USP49: variants seen among roughly 807,000 people sequenced by gnomAD.
The protein encoded by USP49 is ubiquitin carboxyl-terminal hydrolase 49.
USP49 carries 24 observed loss-of-function variants against 58.6 expected under a neutral mutation model. The observed-to-expected ratio is 0.41, with a 90% confidence interval of 0.30 to 0.58. The LOEUF (loss-of-function observed/expected upper bound fraction) is 0.58, where lower values mean the gene tolerates loss of function less well. USP49 is among the 20% of genes least tolerant of loss of function. USP49 has a pLI of 0.30. For synonymous variants in USP49, 408 were observed against 365.1 expected (o/e 1.12, Z -1.34); for missense variants, 703 against 866.1 (o/e 0.81, Z 2.36).
intron 6 of USP49, among the ~76,000 whole-genome samples, chr6:41,799,315 G>A (rs898691524): frequency 5.9e-5 from 9 of 151,928 alleles, no homozygotes; most frequent in Admixed American, 5.9e-4. Flanking sequence ...CCATGTTGCC[G>A]AGGCTGGTCT....
intron 2 of USP49, among the ~76,000 whole-genome samples, chr6:41,872,683 G>A (rs1774432603): frequency 6.6e-6 from 1 of 151,500 alleles, no homozygotes; most frequent in African/African-American, 2.4e-5. Context: ...CGGATCATGA[G>A]GTCAGGAGAT....
chr6:41,845,688 A>T (rs541641739), intron 3 of USP49, among the ~76,000 whole-genome samples: 1 of 152,258 alleles, frequency 6.6e-6, no homozygotes, highest in South Asian at 2.1e-4. Flanking sequence ...ACACAGTGAG[A>T]CCCTGTCTCT....
At chr6:41,827,524 G>T (rs1252338604) in intron 3 of USP49, among the ~76,000 whole-genome samples, 1 of 151,982 alleles carries the variant, frequency 6.6e-6, no homozygotes, top group Non-Finnish European at 1.5e-5. Context: ...GCCAGCAGTG[G>T]TGGTGGGCGC....
rs538220746 is a variant in USP49 at position 41,839,404 on chromosome 6, C to CAAAAAAAAAAAAAAA, written c.-29+32145_-29+32159dup. 9.0e-5 allele frequency among the ~76,000 whole-genome samples: 2 copies of CAAAAAAAAAAAAAAA among 22,234 alleles called. 1 individual carries two copies. The highest frequency in any genetic ancestry group is 2.9e-4 in the African/African-American group (2 of 6,990). 14.6% of individuals were successfully genotyped at this position (22,234 alleles called of 152,430 possible). A position where few individuals can be genotyped will look rare whatever the true frequency, so the allele number is the denominator to read the frequency against. ...TGGACAATAGAGCCAGGCCTTGTCT[C>CAAAAAAAAAAAAAAA]AAAAAAAAAAAAAAAAAAAAAAAAA... On this transcript the variant is annotated intron_variant, in intron 3 of 7. Transcript: ENST00000682992.
chr6:41,844,177 T>G (rs1773879112), intron 3 of USP49, among the ~76,000 whole-genome samples: 1 of 151,168 alleles, frequency 6.6e-6, no homozygotes, highest in African/African-American at 2.4e-5. Context: ...GCCGAGATTG[T>G]GCCACTGCAC....
chr6:41,835,855 C>T (rs1773717293), intron 3 of USP49, among the ~76,000 whole-genome samples: 1 of 151,962 alleles, frequency 6.6e-6, no homozygotes, highest in African/African-American at 2.4e-5. Context: ...GGGAGGATTG[C>T]TTGAGTCCAG....
intron 3 of USP49, among the ~76,000 whole-genome samples, chr6:41,851,850 G>T (rs149726130): frequency 0.023 from 3,533 of 150,832 alleles, 130 homozygotes; most frequent in African/African-American, 0.08. Context: ...AGCCACTCGG[G>T]AGGCTGAGGC....
At chr6:41,886,541 C>T (rs1161895035) in intron 2 of USP49, 2 of 152,122 alleles carry the variant, frequency 1.3e-5, no homozygotes, top group Non-Finnish European at 2.9e-5. Context: ...AAGTTAATAT[C>T]CATAACTGCA....
chr6:41,844,078 AGGCAT>A (rs1436563956), intron 3 of USP49, among the ~76,000 whole-genome samples: 3 of 151,648 alleles, frequency 2.0e-5, no homozygotes, highest in African/African-American at 7.3e-5. Context: ...AAAATCAGCC[AGGCAT>A]GGTGGTGTGC....
chr6:41,826,594 A>G (rs923479930), intron 3 of USP49, among the ~76,000 whole-genome samples: 3 of 152,214 alleles, frequency 2.0e-5, no homozygotes, highest in African/African-American at 7.2e-5. Flanking sequence ...TGACAATGAT[A>G]TAAAATGTCT....
chr6:41,839,404 CAAAAAAAAAAAAAAAAAAAA>C (rs538220746), intron 3 of USP49, among the ~76,000 whole-genome samples: 2 of 22,236 alleles, frequency 9.0e-5, no homozygotes, highest in Admixed American at 1.8e-3. Context: ...GGCCTTGTCT[CAAAAAAAAAAAAAAAAAAAA>C]AAAAAAAAAA....
Position 41,806,581 on chromosome 6 carries a change from C to G in USP49, c.403G>C (p.Gly135Arg). Residue 135 changes from glycine (G) to arginine (R), a missense_variant, in exon 4 of 8, where the codon GGA (glycine) becomes CGA (arginine). Physicochemically the swap from Gly to Arg is moderately radical, Grantham distance 125 (BLOSUM62 -2). Transcript: ENST00000682992. This position sits in a 1 kb window ranked among gnomAD's most constrained non-coding sequence, Gnocchi z 5.9. ...AGAGCCGTGAGCATCTGCGGCTGTC[C>G]CTGAGGAGCGCGCTGCGGCAGGACC... ...DVVLPQRAPQ[G>R]QPQMLTALWY... 1 of 1,604,966 alleles carries G rather than the reference C, an allele frequency of 6.2e-7. No homozygotes were observed. The highest frequency in any genetic ancestry group is 8.5e-7 in the Non-Finnish European group (1 of 1,178,326).
At chr6:41,865,803 CTT>C (rs55695314) in intron 3 of USP49, among the ~76,000 whole-genome samples, 25 of 119,008 alleles carry the variant, frequency 2.1e-4, no homozygotes, top group Admixed American at 3.7e-4. Context: ...CATGCCTGGC[CTT>C]TTTTTTTTTT....
At chr6:41,811,197 A>G (rs916761638) in intron 3 of USP49, among the ~76,000 whole-genome samples, 3 of 152,196 alleles carry the variant, frequency 2.0e-5, no homozygotes, top group African/African-American at 7.2e-5. Flanking sequence ...AAGCCAGATC[A>G]TGATTTTCTC....
intron 2 of USP49, among the ~76,000 whole-genome samples, chr6:41,891,252 C>G (rs373821377): frequency 1.2e-4 from 19 of 152,148 alleles, no homozygotes; most frequent in African/African-American, 4.1e-4. Context: ...GGAATCCCAT[C>G]CCACCACTTG....
chr6:41,792,684 C>G lies in USP49; in HGVS notation c.*3849G>C, dbSNP rs1772818016. On this transcript the variant is annotated 3_prime_UTR_variant, in exon 8 of 8. Transcript: ENST00000682992. Reference sequence around the variant, plus strand: ...CATTGTAACATAATTTCAGAACTTGCTGGTAAGAATAATTTGCATTCACAC... The same window carrying G: ...CATTGTAACATAATTTCAGAACTTGGTGGTAAGAATAATTTGCATTCACAC... The G allele has an allele frequency of 6.6e-6, 1 of 152,190 alleles. No individual in the cohort carries two copies. The highest frequency in any genetic ancestry group is 2.1e-4 in the South Asian group (1 of 4,832). The allele number at this position is 152,190 out of a possible 1,614,324, so 9.4% of individuals were successfully genotyped here.
intron 3 of USP49, among the ~76,000 whole-genome samples, chr6:41,844,593 G>T (rs1234686422): frequency 6.6e-6 from 1 of 152,124 alleles, no homozygotes; most frequent in Non-Finnish European, 1.5e-5. Flanking sequence ...AATTACAGGC[G>T]TGAGCCACCG....
chr6:41,798,315 C>T (rs1233533181), intron 7 of USP49: 2 of 188,322 alleles, frequency 1.1e-5, no homozygotes, highest in African/African-American at 2.4e-5. Context: ...GCTCTGTCAC[C>T]CAGGCTGAAG....
chr6:41,839,530 A>G (rs1337268142), intron 3 of USP49, among the ~76,000 whole-genome samples: 1 of 151,608 alleles, frequency 6.6e-6, no homozygotes, highest in Non-Finnish European at 1.5e-5. Flanking sequence ...GAAAAGAGTA[A>G]CGAAGATCAG....
Sources: allele counts gnomAD v4.1 joint callset (sites outside exome capture counted in the v4.1 genomes callset), GRCh38; gene constraint gnomAD v4.1.1; non-coding constraint Gnocchi (gnomAD v3.1); transcripts MANE v1.5; gene names NCBI Gene and HGNC (gene_info 2026-07-23, HGNC 2026-07-21).